ENPP2: variants seen among roughly 807,000 people sequenced by gnomAD.
ENPP2 encodes ectonucleotide pyrophosphatase/phosphodiesterase 2.
Under a neutral mutation model 120.2 loss-of-function variants are expected in ENPP2, and 51 were observed. That is an observed-to-expected ratio of 0.42 (90% confidence interval 0.34 to 0.54). The LOEUF (loss-of-function observed/expected upper bound fraction) is 0.54, where lower values mean the gene tolerates loss of function less well. Ranked by LOEUF, ENPP2 falls within the 20% of genes least tolerant of loss-of-function variation. ENPP2 has a pLI of 0.04. For missense variants in ENPP2, 920 were observed against 1,066.5 expected (o/e 0.86, Z 1.91); for synonymous variants, 365 against 366.4 (o/e 1.00, Z 0.04).
chr8:119,607,991 T>C lies in ENPP2; in HGVS notation c.778-14A>G, dbSNP rs780285413. 7.5e-5 allele frequency: 119 copies of C among 1,586,912 alleles called. No homozygotes were observed. The South Asian group carries it at 1.0e-3, about 14-fold the overall frequency. ...TGTAATCCATAGCTAATGAGGAAAATATAAGCGGCTTAAAATGTGTTCTGT... is the reference window on the plus strand; with the variant it reads ...TGTAATCCATAGCTAATGAGGAAAACATAAGCGGCTTAAAATGTGTTCTGT... On this transcript the variant is annotated splice_polypyrimidine_tract_variant and intron_variant, in intron 8 of 24. Transcript: ENST00000075322.
intron 19 of ENPP2, chr8:119,571,510 A>C (rs1814979048): frequency 6.6e-6 from 1 of 152,202 alleles, no homozygotes; most frequent in South Asian, 2.1e-4. Context: ...CCTCCAAAGG[A>C]AAGCTCTCTT....
chr8:119,566,012 C>T (rs997159924), intron 22 of ENPP2, among the ~76,000 whole-genome samples: 1 of 152,180 alleles, frequency 6.6e-6, no homozygotes, highest in Non-Finnish European at 1.5e-5. Context: ...TTCCCTATCA[C>T]TCGCAAGACT....
At chr8:119,558,470 G>T (rs963781823) in intron 24 of ENPP2, among the ~76,000 whole-genome samples, 2 of 152,046 alleles carry the variant, frequency 1.3e-5, no homozygotes, top group African/African-American at 4.8e-5. Flanking sequence ...AAAAGAAAGT[G>T]AATCTCTGCC....
intron 24 of ENPP2, among the ~76,000 whole-genome samples, chr8:119,562,167 G>T (rs183433428): frequency 4.0e-5 from 6 of 151,126 alleles, no homozygotes; most frequent in African/African-American, 1.5e-4. Context: ...TATGGGCCAC[G>T]CACAATGGCT....
chr8:119,666,546 C>T (rs1009111802), intron 1 of ENPP2, among the ~76,000 whole-genome samples: 5 of 151,988 alleles, frequency 3.3e-5, no homozygotes, highest in South Asian at 2.1e-4. Context: ...TTTGGGAGGC[C>T]GAGGCGGGCA....
intron 1 of ENPP2, among the ~76,000 whole-genome samples, chr8:119,668,992 A>C (rs1172903600): frequency 6.6e-6 from 1 of 152,196 alleles, no homozygotes; most frequent in Non-Finnish European, 1.5e-5. Context: ...TTTTATATCC[A>C]TCTCTGCACA....
At position 119,569,282 on chromosome 8, in the gene ENPP2, G is replaced by A; in HGVS notation, c.2006C>T (p.Ala669Val). ...VSPSFSQNCL[A>V]YKNDKQMSYG... ...GGACATCTGCTTATCATTTTTGTAG[G>A]CCAAACAGTTCTGACTGAAACTCGG... is the stretch of plus-strand genomic sequence containing the variant. Residue 669 changes from alanine to valine, a missense_variant, in exon 21 of 25, where the codon GCC (alanine) becomes GTC (valine). Physicochemically the swap from Ala to Val is moderately conservative, Grantham distance 64 (BLOSUM62 0). Coordinates refer to ENST00000075322, the MANE Select transcript of ENPP2 (RefSeq NM_001040092.3). 1 of 1,613,976 alleles carries A rather than the reference G, an allele frequency of 6.2e-7. No homozygotes were observed. Among genetic ancestry groups the A allele is most frequent in the East Asian group, 2.2e-5 (1 of 44,858 alleles).
intron 1 of ENPP2, among the ~76,000 whole-genome samples, chr8:119,644,797 A>G (rs1817395823): frequency 6.6e-6 from 1 of 151,640 alleles, no homozygotes; most frequent in South Asian, 2.1e-4. Flanking sequence ...ATAATAAAAC[A>G]TTTTAAAATT....
chr8:119,642,824 T>C (rs1817322065), upstream of ENPP2, among the ~76,000 whole-genome samples: 1 of 152,218 alleles, frequency 6.6e-6, no homozygotes. Context: ...AATTATTCTA[T>C]GCGTCCTTGT....
intron 2 of ENPP2, among the ~76,000 whole-genome samples, chr8:119,628,990 TG>T (rs1349609612): frequency 1.3e-5 from 2 of 152,222 alleles, no homozygotes; most frequent in East Asian, 3.8e-4. Context: ...CTGGTCTTTT[TG>T]TTTGCTTACT....
At chr8:119,668,005 T>C (rs1276023957) in intron 1 of ENPP2, among the ~76,000 whole-genome samples, 2 of 152,124 alleles carry the variant, frequency 1.3e-5, no homozygotes, top group African/African-American at 4.8e-5. Context: ...ACCTTCCTCA[T>C]CTTTACTCAG....
chr8:119,590,641 G>A lies in ENPP2; in HGVS notation c.1082-11C>T. The A allele has an allele frequency of 6.8e-7, 1 of 1,469,056 alleles. No individual in the cohort carries two copies. Among genetic ancestry groups the A allele is most frequent in the Non-Finnish European group, 9.1e-7 (1 of 1,104,420 alleles). 91.0% of individuals were successfully genotyped at this position (1,469,056 alleles called of 1,614,324 possible). A position where few individuals can be genotyped will look rare whatever the true frequency, so the allele number is the denominator to read the frequency against. Reference sequence around the variant, plus strand: ...TGACATCTTCCATTCCTATGGGGAGGGAGAAAAAGAATATTTTCAGGCAAG... The same window carrying A: ...TGACATCTTCCATTCCTATGGGGAGAGAGAAAAAGAATATTTTCAGGCAAG... On this transcript the variant is annotated splice_polypyrimidine_tract_variant and intron_variant, in intron 12 of 24. Coordinates refer to ENST00000075322, the MANE Select transcript of ENPP2 (RefSeq NM_001040092.3).
chr8:119,619,125 G>C (rs1001112212), intron 5 of ENPP2, 119 bp downstream of exon 5: 1 of 725,396 alleles, frequency 1.4e-6, no homozygotes, highest in African/African-American at 1.8e-5. Flanking sequence ...GTACTCATAA[G>C]TTTGCCTGTA....
rs377318752 is a variant in ENPP2 at position 119,567,861 on chromosome 8, T to C, written c.2131+314A>G. On this transcript the variant is annotated intron_variant, in intron 22 of 24. Transcript: ENST00000075322. ...CCATATTAGAAGAAAAACACAAACTTGGGTTAGTTCAGTTTCTACCATGCA... is the reference window on the plus strand; with the variant it reads ...CCATATTAGAAGAAAAACACAAACTCGGGTTAGTTCAGTTTCTACCATGCA... Among the ~76,000 whole-genome samples the C allele has an allele frequency of 2.4e-4, 37 of 152,282 alleles. No individual in the cohort carries two copies. In the East Asian group the frequency reaches 5.0e-3, roughly 21 times the overall value.
chr8:119,572,022 C>A, intron 19 of ENPP2: 1 of 582,970 alleles, frequency 1.7e-6, no homozygotes, highest in Admixed American at 3.0e-5. Context: ...AGTTAAGCTG[C>A]CAAATTTGGG....
chr8:119,658,657 C>A (rs1817833885), intron 1 of ENPP2, among the ~76,000 whole-genome samples: 2 of 152,136 alleles, frequency 1.3e-5, no homozygotes, highest in Non-Finnish European at 1.5e-5. Context: ...TTATCCCCTC[C>A]CATTCATCCT....
At chr8:119,586,089 A>G (rs1813089335) in intron 15 of ENPP2, 97 bp downstream of exon 15, 5 of 1,342,508 alleles carry the variant, frequency 3.7e-6, no homozygotes, top group Non-Finnish European at 4.1e-6. Flanking sequence ...TCCAACTGAT[A>G]TTTCTTTCAG....
intron 5 of ENPP2, chr8:119,618,416 G>C: frequency 2.2e-6 from 1 of 454,938 alleles, no homozygotes; most frequent in South Asian, 1.6e-5. Flanking sequence ...CTTTTCAACA[G>C]TGTGGAACTG....
chr8:119,586,947 C>T, intron 14 of ENPP2, 97 bp downstream of exon 14: 1 of 999,188 alleles, frequency 1.0e-6, no homozygotes. Flanking sequence ...AGTGTTCCTC[C>T]CACCCCTCCC....
Sources: allele counts gnomAD v4.1 joint callset (sites outside exome capture counted in the v4.1 genomes callset), GRCh38; gene constraint gnomAD v4.1.1; transcripts MANE v1.5; gene names NCBI Gene and HGNC (gene_info 2026-07-23, HGNC 2026-07-21).